POLRMT: variants seen among roughly 807,000 people sequenced by gnomAD.
The protein encoded by POLRMT is DNA-directed RNA polymerase, mitochondrial.
A neutral mutation model predicts 132.2 loss-of-function variants in POLRMT; 114 were observed. The ratio of observed to expected loss-of-function variants is 0.86; its 90% CI spans 0.74 to 1.01. The LOEUF (loss-of-function observed/expected upper bound fraction) is 1.01. Ranked by LOEUF, POLRMT falls within the 50% of genes least tolerant of loss-of-function variation. The probability of loss-of-function intolerance (pLI) is 0.00; values close to 1 mark genes in which losing one functional copy is unlikely to be tolerated. For missense variants in POLRMT, 2,003 were observed against 1,729.1 expected (o/e 1.16, Z -2.81); for synonymous variants, 1,020 against 773.4 (o/e 1.32, Z -5.29).
chr19:623,684 A>T, intron 5 of POLRMT, 81 bp from the exon 6 acceptor site: 2 of 1,507,934 alleles, frequency 1.3e-6, no homozygotes, highest in Non-Finnish European at 1.8e-6. Context: ...GCATGGGTGC[A>T]CGCGTTTCTG....
Position 621,392 on chromosome 19 carries a change from GCCA to G in POLRMT, c.2303_2305del (p.Val768del). 6.5e-7 allele frequency: 1 copy of G among 1,535,182 alleles called. No homozygotes were observed. Among genetic ancestry groups the G allele is most frequent in the Non-Finnish European group, 8.7e-7 (1 of 1,147,808 alleles). On this transcript the variant is annotated inframe_deletion, in exon 10 of 21. Transcript: ENST00000588649. ...CGCCCGCAGGCTGTGCATCTCCCGG[GCCA>G]CCTTCTGGCAGTGCGCCAGCTCACG...
chr19:619,186 G>A lies in POLRMT; in HGVS notation c.3153+24C>T, dbSNP rs144793429. 170 of 1,609,862 alleles carry A rather than the reference G, an allele frequency of 1.1e-4. 1 individual carries two copies. Among genetic ancestry groups the A allele is most frequent in the African/African-American group, 6.6e-4 (49 of 74,686 alleles). ...TCCACTTGCTTAGGGAGTCCTGGCC[G>A]AGCGGGGACAGGACAGGACGTACCT... On this transcript the variant is annotated intron_variant, in intron 14 of 20. Transcript: ENST00000588649.
Position 620,405 on chromosome 19 carries a change from G to A in POLRMT, c.2723C>T (p.Ser908Phe). 6.3e-7 allele frequency: 1 copy of A among 1,587,470 alleles called. No homozygotes were observed. The highest frequency in any genetic ancestry group is 8.6e-7 in the Non-Finnish European group (1 of 1,168,152). ...CMEVANAVRA[S>F]DPAAYVSHLP... ...GTGGGAGACATAGGCGGCAGGGTCG[G>A]AGGCGCGCACAGCGTTCGCCACCTC... Residue 908 changes from serine (S) to phenylalanine (F), a missense_variant, in exon 11 of 21, where the codon TCC becomes TTC. Coordinates refer to ENST00000588649, the MANE Select transcript of POLRMT (RefSeq NM_005035.4).
At chr19:622,027 G>A in intron 9 of POLRMT, 122 bp downstream of exon 9, 2 of 1,163,328 alleles carry the variant, frequency 1.7e-6, no homozygotes, top group Non-Finnish European at 2.4e-6. Flanking sequence ...GGTGTGTCCC[G>A]AGTCCTGGGA....
chr19:632,146 A>AC (rs969320818), intron 2 of POLRMT, among the ~76,000 whole-genome samples: 25 of 151,158 alleles, frequency 1.7e-4, no homozygotes, highest in African/African-American at 6.1e-4. Context: ...GAGCCACCGC[A>AC]CCAGGCCTCG....
intron 6 of POLRMT, among the ~76,000 whole-genome samples, 193 bp downstream of exon 6, chr19:623,261 T>A (rs527280325): frequency 6.6e-6 from 1 of 152,252 alleles, no homozygotes; most frequent in South Asian, 2.1e-4. Context: ...CCAGGCTGAG[T>A]TCCTAGGCCC....
chr19:619,491 G>A (rs1984324749), intron 13 of POLRMT, 95 bp downstream of exon 13: 3 of 1,512,366 alleles, frequency 2.0e-6, no homozygotes, highest in South Asian at 1.2e-5. Flanking sequence ...GGAGCAGCCA[G>A]GGCTCCTGCT....
chr19:632,215 G>A lies in POLRMT; in HGVS notation c.193+619C>T, dbSNP rs1323560982. On this transcript the variant is annotated intron_variant, in intron 2 of 20. Coordinates refer to ENST00000588649, the MANE Select transcript of POLRMT (RefSeq NM_005035.4). The stretch of plus-strand genomic sequence containing the variant: ...ACCCAAAAGTGCTGGGATTACAGGC[G>A]TGAGCCACCGCACCTGGCCAGGTTT... Among the ~76,000 whole-genome samples, 2 of 152,044 alleles carry A rather than the reference G, an allele frequency of 1.3e-5. 1 individual carries two copies. The highest frequency in any genetic ancestry group is 4.1e-4 in the South Asian group (2 of 4,826).
chr19:621,894 C>T (rs761710637), intron 9 of POLRMT, 48 bp from the exon 10 acceptor site: 2 of 1,581,282 alleles, frequency 1.3e-6, no homozygotes, highest in Non-Finnish European at 8.6e-7. Context: ...CTGGGGCTTT[C>T]CTGTTCCCAC....
In POLRMT at chr19:617,593, G is replaced by C. The variant is rs371354135; in HGVS notation, c.3558C>G (p.Phe1186Leu). ...ACTCAGAGCAGAACCGCTTGACCAG[G>C]AATCTGGACAGGTCCTGCAGGATGG... ...SEPILQDLSR[F>L]LVKRFCSEPQ... The change falls in exon 19 of 21, where the codon TTC becomes TTG. Residue 1186 changes from phenylalanine (F) to leucine (L), a missense_variant. Physicochemically the swap from Phe to Leu is conservative, Grantham distance 22. Coordinates refer to ENST00000588649, the MANE Select transcript of POLRMT (RefSeq NM_005035.4). 5 of 1,612,184 alleles carry C rather than the reference G, an allele frequency of 3.1e-6. No individual in the cohort carries two copies. The highest frequency in any genetic ancestry group is 1.3e-5 in the African/African-American group (1 of 74,910).
Position 623,609 on chromosome 19 carries a change from G to C in POLRMT, c.1141-6C>G, listed in dbSNP as rs765583760. The C allele has an allele frequency of 3.7e-6, 6 of 1,613,276 alleles. No individual in the cohort carries two copies. In the South Asian group the frequency reaches 4.4e-5, roughly 12 times the overall value. On this transcript the variant is annotated splice_polypyrimidine_tract_variant and splice_region_variant and intron_variant, in intron 5 of 20. Coordinates refer to ENST00000588649, the MANE Select transcript of POLRMT (RefSeq NM_005035.4). ...GGGTAGGACACACGCCCATCCTGCA[G>C]GGATGGGGGTAGTGAGGTTGGGGGC...
rs1371239228 is a variant in POLRMT, at chr19:618,763, A to G, written c.3268-3T>C. On this transcript the variant is annotated splice_region_variant and splice_polypyrimidine_tract_variant and intron_variant, in intron 15 of 20. Coordinates refer to ENST00000588649, the MANE Select transcript of POLRMT (RefSeq NM_005035.4). The stretch of plus-strand genomic sequence containing the variant: ...CTCTGAATTCCACCTCCTATTTGCT[A>G]AAAAGGGGAAGGGGCCGGTGAGTCC... The G allele has an allele frequency of 1.9e-6, 3 of 1,597,076 alleles. No homozygotes were observed. The highest frequency in any genetic ancestry group is 2.6e-6 in the Non-Finnish European group (3 of 1,172,718).
chr19:625,308 C>T, intron 3 of POLRMT, 54 bp from the exon 4 acceptor site: 1 of 1,602,418 alleles, frequency 6.2e-7, no homozygotes, highest in South Asian at 1.1e-5. Context: ...CCTCCACATC[C>T]TCCCTGCTCC....
chr19:622,135 G>A lies in POLRMT; in HGVS notation c.1851+14C>T, dbSNP rs781750719. 23 of 1,532,992 alleles carry A rather than the reference G, an allele frequency of 1.5e-5. No homozygotes were observed. Among genetic ancestry groups the A allele is most frequent in the Non-Finnish European group, 1.9e-5 (22 of 1,140,708 alleles). 95.0% of individuals were successfully genotyped at this position (1,532,992 alleles called of 1,614,324 possible). A position where few individuals can be genotyped will look rare whatever the true frequency, so the allele number is the denominator to read the frequency against. On this transcript the variant is annotated intron_variant, in intron 9 of 20. Transcript: ENST00000588649. The stretch of plus-strand genomic sequence containing the variant: ...GCGGGATGCCCCCCAGCTCAGGAGG[G>A]CACTGCCTGGCACCTGCTGGACGTT...
intron 17 of POLRMT, 111 bp from the exon 18 acceptor site, chr19:617,960 C>A: frequency 1.0e-6 from 1 of 980,512 alleles, no homozygotes; most frequent in Non-Finnish European, 1.6e-6. Flanking sequence ...GGGAAGCCCA[C>A]CCTCCTGCAG....
At chr19:620,287 G>A (rs547303013) in intron 11 of POLRMT, 78 bp downstream of exon 11, 36 of 1,472,356 alleles carry the variant, frequency 2.4e-5, no homozygotes, top group Admixed American at 7.3e-5. Context: ...GAGCGAAGGT[G>A]AAATCTCACA....
intron 13 of POLRMT, 138 bp from the exon 14 acceptor site, chr19:619,434 A>G (rs778430937): frequency 2.2e-6 from 3 of 1,347,844 alleles, no homozygotes; most frequent in Non-Finnish European, 3.1e-6. Context: ...GCGCCCACGC[A>G]GTCAGCAAGA....
At chr19:620,771 C>G (rs560807549) in intron 10 of POLRMT, among the ~76,000 whole-genome samples, 155 of 51,706 alleles carry the variant, frequency 3.0e-3, no homozygotes, top group Non-Finnish European at 4.9e-3. Flanking sequence ...GGAAGCAGCT[C>G]GGCGGATGCA....
chr19:621,009 G>A (rs1984522505), intron 10 of POLRMT, 49 bp downstream of exon 10: 2 of 984,836 alleles, frequency 2.0e-6, no homozygotes, highest in Non-Finnish European at 2.5e-6. Context: ...CGCCGGGGGA[G>A]GGCGCGGGGG....
Sources: allele counts gnomAD v4.1 joint callset (sites outside exome capture counted in the v4.1 genomes callset), GRCh38; gene constraint gnomAD v4.1.1; transcripts MANE v1.5; gene names NCBI Gene and HGNC (gene_info 2026-07-23, HGNC 2026-07-21).